FAAH: variants seen among roughly 807,000 people sequenced by gnomAD.
FAAH encodes the protein fatty-acid amide hydrolase 1.
Under a neutral mutation model 69.7 loss-of-function variants are expected in FAAH, and 63 were observed. That is an observed-to-expected ratio of 0.90 (90% CI 0.74 to 1.12). The LOEUF (loss-of-function observed/expected upper bound fraction) is 1.12. Among genes scored for constraint, FAAH ranks in the 50% most tolerant of loss-of-function variants. The probability of loss-of-function intolerance (pLI) is 0.00; values close to 1 mark genes in which losing one functional copy is unlikely to be tolerated. For synonymous variants in FAAH, 305 were observed against 324.2 expected (o/e 0.94, Z 0.64); for missense variants, 680 against 755.0 (o/e 0.90, Z 1.16).
chr1:46,408,367 G>T (rs937449049), intron 7 of FAAH, 92 bp from the exon 8 acceptor site: 1 of 1,571,264 alleles, frequency 6.4e-7, no homozygotes, highest in South Asian at 1.1e-5. Flanking sequence ...TCGCAGCTGT[G>T]TCTGGGGCTG....
At chr1:46,412,281 T>G in intron 13 of FAAH, 30 bp downstream of exon 13, 2 of 1,522,206 alleles carry the variant, frequency 1.3e-6, no homozygotes, top group Non-Finnish European at 1.8e-6. Context: ...CTGTCCCTTC[T>G]GTGAATCTGG....
At position 46,413,131 on chromosome 1, in the gene FAAH, C is replaced by T. The variant is rs961963410; in HGVS notation, c.1522C>T (p.Pro508Ser). The T allele has an allele frequency of 1.2e-6, 2 of 1,614,006 alleles. No homozygotes were observed. The highest frequency in any genetic ancestry group is 2.7e-5 in the African/African-American group (2 of 74,914). ...NCLDFPAGVV[P>S]VTTVTAEDEA... ...CCTGGACTTCCCTGCAGGGGTGGTG[C>T]CTGTCACCACGGTGACTGCTGAGGA... Residue 508 changes from proline to serine, a missense_variant, in exon 14 of 15, where the codon CCT becomes TCT. By Grantham distance (74) the Pro-to-Ser change is moderately conservative. Transcript: ENST00000243167.
At chr1:46,408,686 G>A (rs1042232529) in intron 8 of FAAH, 102 bp downstream of exon 8, 23 of 1,574,974 alleles carry the variant, frequency 1.5e-5, no homozygotes, top group African/African-American at 8.1e-5. Context: ...GCACTCTGAC[G>A]ATGTTGTCGT....
chr1:46,410,109 G>A lies in FAAH; in HGVS notation c.1176-289G>A, dbSNP rs1664884080. 1 of 378,992 alleles carries A rather than the reference G, an allele frequency of 2.6e-6. No individual in the cohort carries two copies. The highest frequency in any genetic ancestry group is 4.9e-6 in the Non-Finnish European group (1 of 203,552). 23.5% of individuals were successfully genotyped at this position (378,992 alleles called of 1,614,324 possible). Reference sequence around the variant, plus strand: ...CCCTAAGGGGAGGTACCCTCAGGGAGGCCTCATCAGGGAGATGTTGCCCTC... The same window carrying A: ...CCCTAAGGGGAGGTACCCTCAGGGAAGCCTCATCAGGGAGATGTTGCCCTC... On this transcript the variant is annotated intron_variant, in intron 9 of 14. Coordinates refer to ENST00000243167, the MANE Select transcript of FAAH (RefSeq NM_001441.3). The surrounding 1 kb of genome is among the most constrained non-coding windows in gnomAD (Gnocchi z 4.9).
chr1:46,409,108 C>A lies in FAAH; in HGVS notation c.1085C>A (p.Pro362His). The A allele has an allele frequency of 6.2e-7, 1 of 1,613,998 alleles. No individual in the cohort carries two copies. The highest frequency in any genetic ancestry group is 8.5e-7 in the Non-Finnish European group (1 of 1,179,924). Reference sequence around the variant, plus strand: ...ACCCCTCAATCCCTGCAGCTGGTTCCCTTCTTGCCAAGCAACATACCCCAT... The same window carrying A: ...ACCCCTCAATCCCTGCAGCTGGTTCACTTCTTGCCAAGCAACATACCCCAT... ...SLEAAGHTLV[P>H]FLPSNIPHAL... is the part of the protein sequence containing the mutation. Residue 362 changes from proline (P) to histidine (H), a missense_variant, in exon 9 of 15, where the codon CCC becomes CAC. Transcript: ENST00000243167.
At position 46,394,526 on chromosome 1, in the gene FAAH, C is replaced by T. The variant is rs757819078; in HGVS notation, c.178C>T (p.Gln60Ter). 2 of 1,373,486 alleles carry T rather than the reference C, an allele frequency of 1.5e-6. No individual in the cohort carries two copies. The highest frequency in any genetic ancestry group is 1.5e-5 in the African/African-American group (1 of 65,644). The allele number at this position is 1,373,486 out of a possible 1,614,324, so 85.1% of individuals were successfully genotyped here. The change falls in exon 1 of 15, where the codon CAG becomes TAG. Residue 60 changes from glutamine (Q) to a stop codon, truncating the protein, a stop_gained. Coordinates refer to ENST00000243167, the MANE Select transcript of FAAH (RefSeq NM_001441.3). LOFTEE classifies it high-confidence loss of function. ...CCTGGAGAACATGGACAGGGCGGCG[C>T]AGCGCTTCCGGCTCCAGGTGACTGC... ...AGLENMDRAA[Q>*]RFRLQNPDLD...
chr1:46,411,118 A>G lies in FAAH; in HGVS notation c.1316+264A>G, dbSNP rs1664906281. Among the ~76,000 whole-genome samples, 1 of 151,818 alleles carries G rather than the reference A, an allele frequency of 6.6e-6. No homozygotes were observed. On this transcript the variant is annotated intron_variant, in intron 11 of 14. Coordinates refer to ENST00000243167, the MANE Select transcript of FAAH (RefSeq NM_001441.3). This position sits in a 1 kb window ranked among gnomAD's most constrained non-coding sequence, Gnocchi z 4.8. ...AGGAGGTTGACCTGGCTGGGGCATG[A>G]GTGGAAAGGACCAGGAAGTGGGGGT...
chr1:46,410,711 G>C lies in FAAH; in HGVS notation c.1276-103G>C. Reference sequence around the variant, plus strand: ...AAAGGGGTGCCGACCTGGGCCCTGGGGGGAGGCATGGAGGGAGGGGTCCCC... The same window carrying C: ...AAAGGGGTGCCGACCTGGGCCCTGGCGGGAGGCATGGAGGGAGGGGTCCCC... On this transcript the variant is annotated intron_variant, in intron 10 of 14. Transcript: ENST00000243167. The surrounding 1 kb of genome is among the most constrained non-coding windows in gnomAD (Gnocchi z 4.9). The C allele has an allele frequency of 2.1e-6, 3 of 1,446,394 alleles. No individual in the cohort carries two copies. The highest frequency in any genetic ancestry group is 1.7e-5 in the Admixed American group (1 of 59,722). 89.6% of individuals were successfully genotyped at this position (1,446,394 alleles called of 1,614,324 possible).
intron 1 of FAAH, among the ~76,000 whole-genome samples, chr1:46,395,003 G>A (rs534146346): frequency 1.3e-5 from 2 of 152,208 alleles, no homozygotes; most frequent in South Asian, 4.1e-4. Flanking sequence ...GCAGTGGTGC[G>A]ATCTCGGCTC....
intron 13 of FAAH, 134 bp from the exon 14 acceptor site, chr1:46,412,941 A>G: frequency 9.1e-7 from 1 of 1,096,090 alleles, no homozygotes; most frequent in Admixed American, 2.0e-5. Context: ...TTTGTCACTC[A>G]GACCTCAGTC....
chr1:46,400,084 T>A lies in FAAH; in HGVS notation c.196-2007T>A, dbSNP rs138426979. Among the ~76,000 whole-genome samples the A allele has an allele frequency of 1.6e-4, 25 of 151,534 alleles. No individual in the cohort carries two copies. In the East Asian group the frequency reaches 4.3e-3, roughly 26 times the overall value. Reference sequence around the variant, plus strand: ...AAAAAAATCCAAAGTAAGTACTCTATCAGTTCAATGAATTCAGGGAAGTGC... The same window carrying A: ...AAAAAAATCCAAAGTAAGTACTCTAACAGTTCAATGAATTCAGGGAAGTGC... On this transcript the variant is annotated intron_variant, in intron 1 of 14. Transcript: ENST00000243167.
At position 46,406,239 on chromosome 1, in the gene FAAH, C is replaced by A. The variant is rs1664792067; in HGVS notation, c.827-5C>A. ...GCTTACCTCCCTCACCTCTCTGCCC[C>A]ACAGTGCGTCTCTCCGTGGGCCCCA... On this transcript the variant is annotated splice_polypyrimidine_tract_variant and splice_region_variant and intron_variant, in intron 6 of 14. Transcript: ENST00000243167. 6.2e-7 allele frequency: 1 copy of A among 1,613,942 alleles called. No homozygotes were observed. Among genetic ancestry groups the A allele is most frequent in the Admixed American group, 1.7e-5 (1 of 60,012 alleles).
At chr1:46,397,509 CAAT>C (rs1302572103) in intron 1 of FAAH, among the ~76,000 whole-genome samples, 1 of 151,966 alleles carries the variant, frequency 6.6e-6, no homozygotes, top group Non-Finnish European at 1.5e-5. Flanking sequence ...TCCTGATTGA[CAAT>C]AGCTTTGTAG....
chr1:46,399,489 G>A (rs1392498340), intron 1 of FAAH, among the ~76,000 whole-genome samples: 1 of 152,218 alleles, frequency 6.6e-6, no homozygotes, highest in Non-Finnish European at 1.5e-5. Context: ...CAAGAACATA[G>A]GAAAGAATGA....
At chr1:46,398,977 A>C (rs969148377) in intron 1 of FAAH, among the ~76,000 whole-genome samples, 13 of 140,790 alleles carry the variant, frequency 9.2e-5, no homozygotes, top group Non-Finnish European at 9.5e-5. Context: ...TTGACGCTTC[A>C]CCCATTTTTT....
At chr1:46,407,037 A>T (rs1664812317) in intron 7 of FAAH, among the ~76,000 whole-genome samples, 1 of 151,804 alleles carries the variant, frequency 6.6e-6, no homozygotes, top group Non-Finnish European at 1.5e-5. Flanking sequence ...TTTTGGGAGC[A>T]GCACGCCACG....
At position 46,413,143 on chromosome 1, in the gene FAAH, G is replaced by T. The variant is rs1190574540; in HGVS notation, c.1534G>T (p.Val512Leu). 1 of 1,614,166 alleles carries T rather than the reference G, an allele frequency of 6.2e-7. No individual in the cohort carries two copies. Residue 512 changes from valine (V) to leucine (L), a missense_variant, in exon 14 of 15, where the codon GTG (valine) becomes TTG (leucine). Val to Leu is a conservative substitution (Grantham distance 32). Transcript: ENST00000243167. ...FPAGVVPVTT[V>L]TAEDEAQMEH... ...TGCAGGGGTGGTGCCTGTCACCACG[G>T]TGACTGCTGAGGACGAGGCCCAGAT...
chr1:46,398,318 C>A (rs1664636523), intron 1 of FAAH, among the ~76,000 whole-genome samples: 1 of 152,190 alleles, frequency 6.6e-6, no homozygotes, highest in Non-Finnish European at 1.5e-5. Context: ...CCTACAACTC[C>A]TAAGGCACCC....
chr1:46,413,678 C>T lies in FAAH; in HGVS notation c.*103C>T. ...CAGCAAGGAAATGTCCTGCATGGGGCAGAGGCTTCCGTGTCCTCTCCCCCA... is the reference window on the plus strand; with the variant it reads ...CAGCAAGGAAATGTCCTGCATGGGGTAGAGGCTTCCGTGTCCTCTCCCCCA... On this transcript the variant is annotated 3_prime_UTR_variant, in exon 15 of 15. Transcript: ENST00000243167. 1.9e-6 allele frequency: 3 copies of T among 1,548,800 alleles called. No individual in the cohort carries two copies. Among genetic ancestry groups the T allele is most frequent in the Non-Finnish European group, 8.8e-7 (1 of 1,131,150 alleles).
Sources: allele counts gnomAD v4.1 joint callset (sites outside exome capture counted in the v4.1 genomes callset), GRCh38; gene constraint gnomAD v4.1.1; non-coding constraint Gnocchi (gnomAD v3.1); transcripts MANE v1.5; gene names NCBI Gene and HGNC (gene_info 2026-07-23, HGNC 2026-07-21).